ERC2: variants seen among roughly 807,000 people sequenced by gnomAD.
ERC2 encodes ERC protein 2.
Under a neutral mutation model 114.8 loss-of-function variants are expected in ERC2, and 42 were observed. The ratio of observed to expected loss-of-function variants is 0.37; its 90% CI spans 0.29 to 0.47. The LOEUF (loss-of-function observed/expected upper bound fraction) is 0.47. Ranked by LOEUF, ERC2 falls within the 20% of genes least tolerant of loss-of-function variation. The pLI is 0.99. For synonymous variants in ERC2, 454 were observed against 425.5 expected, an observed-to-expected ratio of 1.07 and a Z score of -0.82; for missense variants, 939 against 1,150.7, an observed-to-expected ratio of 0.82 and a Z score of 2.66.
chr3:56,428,807 A>G (rs1463094938), intron 2 of ERC2, among the ~76,000 whole-genome samples: 3 of 152,216 alleles, frequency 2.0e-5, no homozygotes, highest in Non-Finnish European at 4.4e-5. Flanking sequence ...AAAAGCTGTA[A>G]CATTCCCCAG....
chr3:55,956,773 T>G lies in ERC2; in HGVS notation c.2268-6213A>C, dbSNP rs931842588. 3.9e-5 allele frequency among the ~76,000 whole-genome samples: 6 copies of G among 152,314 alleles called. No homozygotes were observed. In the East Asian group the frequency reaches 1.2e-3, roughly 29 times the overall value. On this transcript the variant is annotated intron_variant, in intron 12 of 17. Transcript: ENST00000288221. ...GCTACTAGTTTTGATCATGGTCAACTGCATAAGTCCTTGTCCAAGCCATGC... is the reference window on the plus strand; with the variant it reads ...GCTACTAGTTTTGATCATGGTCAACGGCATAAGTCCTTGTCCAAGCCATGC...
At chr3:56,003,477 T>G (rs2072239718) in intron 10 of ERC2, among the ~76,000 whole-genome samples, 1 of 152,146 alleles carries the variant, frequency 6.6e-6, no homozygotes, top group African/African-American at 2.4e-5. Flanking sequence ...AGAAGTACTT[T>G]TGGCCAAGTC....
chr3:56,282,241 C>T (rs919092186), intron 3 of ERC2, among the ~76,000 whole-genome samples: 1 of 151,986 alleles, frequency 6.6e-6, no homozygotes, highest in Non-Finnish European at 1.5e-5. Flanking sequence ...AGAAATATGA[C>T]AACAAAGGCA....
chr3:55,697,876 C>A (rs919184325), intron 16 of ERC2, among the ~76,000 whole-genome samples: 1 of 151,764 alleles, frequency 6.6e-6, no homozygotes, highest in African/African-American at 2.4e-5. Context: ...CTCACCCTAT[C>A]TGGGAGAATG....
intron 14 of ERC2, among the ~76,000 whole-genome samples, chr3:55,808,757 C>CATATATAT (rs59418105): frequency 9.3e-5 from 9 of 96,984 alleles, no homozygotes; most frequent in African/African-American, 1.5e-4. Flanking sequence ...TATAACTAAA[C>CATATATAT]ATATATATAT....
intron 7 of ERC2, among the ~76,000 whole-genome samples, chr3:56,036,883 C>G (rs1403578790): frequency 6.6e-6 from 1 of 152,088 alleles, no homozygotes; most frequent in Non-Finnish European, 1.5e-5. Context: ...TGGAGACTGC[C>G]TAAGATGACC....
intron 7 of ERC2, among the ~76,000 whole-genome samples, chr3:56,064,346 A>G (rs1353679778): frequency 6.6e-6 from 1 of 152,210 alleles, no homozygotes; most frequent in African/African-American, 2.4e-5. Context: ...GTTCACAGAC[A>G]TTCCATTTGG....
At chr3:56,307,952 G>A (rs895773630) in intron 2 of ERC2, among the ~76,000 whole-genome samples, 5 of 152,118 alleles carry the variant, frequency 3.3e-5, no homozygotes, top group Non-Finnish European at 2.9e-5. Flanking sequence ...TCACCAGACC[G>A]TCGGCACAAG....
chr3:55,698,895 C>T (rs1156756391), intron 16 of ERC2, among the ~76,000 whole-genome samples: 1 of 152,122 alleles, frequency 6.6e-6, no homozygotes. Context: ...TCAAATAAAC[C>T]AGACTCCTTG....
chr3:55,808,701 T>TTATATATATATATATA (rs377604698), intron 14 of ERC2, among the ~76,000 whole-genome samples: 11 of 61,722 alleles, frequency 1.8e-4, no homozygotes, highest in East Asian at 6.5e-4. Flanking sequence ...TACCATAATT[T>TTATATATATATATATA]TATATATATA....
chr3:55,725,520 A>G (rs892758648), intron 15 of ERC2, among the ~76,000 whole-genome samples: 6 of 152,200 alleles, frequency 3.9e-5, no homozygotes, highest in African/African-American at 1.4e-4. Flanking sequence ...ACAAAAAAAA[A>G]TAGCACTTTG....
At chr3:55,543,755 C>A (rs776788991) in intron 17 of ERC2, among the ~76,000 whole-genome samples, 2 of 152,062 alleles carry the variant, frequency 1.3e-5, no homozygotes, top group Non-Finnish European at 2.9e-5. Flanking sequence ...GTTCCTGCTG[C>A]GCTGTCTCTG....
At chr3:55,906,095 A>G (rs907602785) in intron 13 of ERC2, among the ~76,000 whole-genome samples, 3 of 152,138 alleles carry the variant, frequency 2.0e-5, no homozygotes, top group African/African-American at 7.2e-5. Flanking sequence ...GGCCTGGCAC[A>G]TGGCTGACAC....
At chr3:56,355,929 G>A (rs1437284552) in intron 2 of ERC2, among the ~76,000 whole-genome samples, 3 of 152,074 alleles carry the variant, frequency 2.0e-5, no homozygotes, top group African/African-American at 7.2e-5. Flanking sequence ...AGGACCACAG[G>A]GTCTCTGAAA....
At chr3:55,921,930 CT>C (rs762789555) in intron 13 of ERC2, among the ~76,000 whole-genome samples, 157 of 152,162 alleles carry the variant, frequency 1.0e-3, no homozygotes, top group Non-Finnish European at 1.3e-3. Context: ...TGATATCAGA[CT>C]CTCTCTACCT....
intron 7 of ERC2, among the ~76,000 whole-genome samples, chr3:56,047,005 T>C (rs891040600): frequency 5.3e-5 from 8 of 152,186 alleles, no homozygotes; most frequent in African/African-American, 1.9e-4. Flanking sequence ...AAATTCAGTC[T>C]CATCTGCTAG....
chr3:56,080,637 A>T (rs1047473925), intron 7 of ERC2, among the ~76,000 whole-genome samples, 180 bp downstream of exon 7: 13 of 152,212 alleles, frequency 8.5e-5, no homozygotes, highest in Non-Finnish European at 1.8e-4. Context: ...TAGAAAATTC[A>T]TCAAGCAACG....
intron 3 of ERC2, among the ~76,000 whole-genome samples, chr3:56,290,592 C>A (rs1157708477): frequency 6.6e-6 from 1 of 152,140 alleles, no homozygotes; most frequent in Non-Finnish European, 1.5e-5. Context: ...TGGCTTAGGT[C>A]AGCAGAACTA....
At chr3:56,026,878 C>T (rs990167989) in intron 7 of ERC2, among the ~76,000 whole-genome samples, 6 of 151,628 alleles carry the variant, frequency 4.0e-5, no homozygotes, top group Admixed American at 2.6e-4. Context: ...TGTAGATTTA[C>T]GTGACCACCA....
Sources: gnomAD v4.1 joint callset for allele counts (sites outside exome capture counted in the v4.1 genomes callset) on GRCh38, gnomAD v4.1.1 for gene constraint, MANE v1.5 for transcripts, NCBI Gene and HGNC (gene_info 2026-07-23, HGNC 2026-07-21) for gene names.